Variants in ANO2 observed in about 807,000 individuals in gnomAD.
ANO2 encodes the protein anoctamin-2.
ANO2 carries 101 observed loss-of-function variants against 124.2 expected under a neutral mutation model. The ratio of observed to expected loss-of-function variants is 0.81; its 90% confidence interval spans 0.69 to 0.96. The LOEUF is 0.96. ANO2 is among the 40% of genes least tolerant of loss of function. The probability of loss-of-function intolerance (pLI) is 0.00; values close to 1 mark genes in which losing one functional copy is unlikely to be tolerated. For missense variants in ANO2, 1,293 were observed against 1,274.5 expected (o/e 1.01, Z -0.22); for synonymous variants, 486 against 482.5 (o/e 1.01, Z -0.09).
At chr12:5,693,287 C>T (rs930980189) in intron 14 of ANO2, among the ~76,000 whole-genome samples, 11 of 152,164 alleles carry the variant, frequency 7.2e-5, no homozygotes, top group Admixed American at 5.9e-4. Flanking sequence ...CTTCCCTCAC[C>T]GATATTCTTC....
At chr12:5,640,851 T>C (rs555877306) in intron 15 of ANO2, among the ~76,000 whole-genome samples, 5 of 152,330 alleles carry the variant, frequency 3.3e-5, no homozygotes, top group African/African-American at 1.2e-4. Flanking sequence ...AAATACCATT[T>C]GACCTAGTGA....
chr12:5,841,682 T>C (rs1954519716), intron 4 of ANO2, among the ~76,000 whole-genome samples: 1 of 152,104 alleles, frequency 6.6e-6, no homozygotes, highest in South Asian at 2.1e-4. Context: ...GGGCATGTCC[T>C]TCCCTCTTCT....
intron 14 of ANO2, among the ~76,000 whole-genome samples, chr12:5,654,546 C>T (rs1947066104): frequency 6.6e-6 from 1 of 152,110 alleles, no homozygotes; most frequent in Non-Finnish European, 1.5e-5. Flanking sequence ...AGAGCCTCTC[C>T]TTTGGGGGGC....
At chr12:5,643,815 T>C (rs917599991) in intron 15 of ANO2, among the ~76,000 whole-genome samples, 4 of 152,198 alleles carry the variant, frequency 2.6e-5, no homozygotes, top group Non-Finnish European at 4.4e-5. Flanking sequence ...TATAGGCTCA[T>C]TGGCCATTTG....
At chr12:5,691,694 A>C (rs1327080899) in intron 14 of ANO2, among the ~76,000 whole-genome samples, 1 of 152,074 alleles carries the variant, frequency 6.6e-6, no homozygotes, top group Non-Finnish European at 1.5e-5. Context: ...CCTTGAGCCC[A>C]GGAGTTCAAG....
intron 14 of ANO2, among the ~76,000 whole-genome samples, chr12:5,654,877 T>C (rs1947079926): frequency 6.6e-6 from 1 of 152,206 alleles, no homozygotes; most frequent in African/African-American, 2.4e-5. Flanking sequence ...CAGTGCCTCA[T>C]ATTGAATCAG....
chr12:5,689,375 T>A (rs984254243), intron 14 of ANO2, among the ~76,000 whole-genome samples: 13 of 149,716 alleles, frequency 8.7e-5, no homozygotes, highest in South Asian at 4.2e-4. Flanking sequence ...CAAGGAGAGA[T>A]GAGGTTGTTA....
intron 11 of ANO2, among the ~76,000 whole-genome samples, chr12:5,748,840 C>A (rs1951349681): frequency 6.8e-6 from 1 of 147,880 alleles, no homozygotes; most frequent in Non-Finnish European, 1.5e-5. Context: ...CCTCCCTCCC[C>A]TCTCCCCCTT....
At chr12:5,839,401 C>G (rs1196365915) in intron 4 of ANO2, among the ~76,000 whole-genome samples, 1 of 152,188 alleles carries the variant, frequency 6.6e-6, no homozygotes, top group Non-Finnish European at 1.5e-5. Context: ...TCACAGGGCA[C>G]TGGGTAGTGT....
intron 20 of ANO2, among the ~76,000 whole-genome samples, chr12:5,597,538 G>A (rs1191696404): frequency 1.3e-5 from 2 of 152,132 alleles, no homozygotes; most frequent in Non-Finnish European, 2.9e-5. Context: ...TTATGAACAC[G>A]TCTATATACA....
chr12:5,812,245 A>G (rs1204401530), intron 7 of ANO2, among the ~76,000 whole-genome samples: 1 of 129,536 alleles, frequency 7.7e-6, no homozygotes, highest in Non-Finnish European at 1.6e-5. Flanking sequence ...GGGGAAGGGG[A>G]AGAGAGGGGA....
chr12:5,578,299 A>C (rs1213581835), intron 21 of ANO2, 67 bp downstream of exon 21: 1 of 1,562,212 alleles, frequency 6.4e-7, no homozygotes, highest in Non-Finnish European at 8.7e-7. Flanking sequence ...GTGTGGTGTG[A>C]CTGTGGCCAG....
intron 3 of ANO2, among the ~76,000 whole-genome samples, chr12:5,892,840 C>T (rs1392725361): frequency 6.6e-6 from 1 of 152,088 alleles, no homozygotes; most frequent in African/African-American, 2.4e-5. Context: ...AATAAAGAAC[C>T]AGAAAAATGT....
intron 10 of ANO2, among the ~76,000 whole-genome samples, chr12:5,794,725 A>G (rs1332072048): frequency 1.3e-5 from 2 of 152,244 alleles, no homozygotes; most frequent in Non-Finnish European, 2.9e-5. Flanking sequence ...CTTAAAGGCC[A>G]TAAGCTCTCC....
At chr12:5,829,272 C>T (rs749190440) in intron 6 of ANO2, among the ~76,000 whole-genome samples, 2 of 152,148 alleles carry the variant, frequency 1.3e-5, no homozygotes, top group Admixed American at 6.5e-5. Context: ...CCCCCACAGT[C>T]GTGGGACCCA....
At chr12:5,610,296 TA>T in intron 19 of ANO2, among the ~76,000 whole-genome samples, 1 of 106,234 alleles carries the variant, frequency 9.4e-6, no homozygotes, top group East Asian at 2.6e-4. Flanking sequence ...CATAAATATA[TA>T]AATGCATATA....
chr12:5,578,486 C>A lies in ANO2; in HGVS notation c.2266G>T (p.Ala756Ser), dbSNP rs755998822. 6.7e-5 allele frequency: 108 copies of A among 1,613,630 alleles called. No homozygotes were observed. Among genetic ancestry groups the A allele is most frequent in the Non-Finnish European group, 9.0e-5 (106 of 1,179,786 alleles). Residue 756 changes from alanine (A) to serine (S), a missense_variant, in exon 21 of 25, where the codon GCC becomes TCC. Transcript: ENST00000682330. ...AACACAGGTGCCAGGGGAAAGGAGG[C>A]CACGAAGAGGGTGACAAAACCAAAC... is the stretch of plus-strand genomic sequence containing the variant. ...IQFGFVTLFV[A>S]SFPLAPVFAL...
chr12:5,583,861 T>C (rs1051822957), intron 20 of ANO2: 6 of 192,872 alleles, frequency 3.1e-5, no homozygotes, highest in Non-Finnish European at 5.6e-5. Context: ...AATATCATCA[T>C]GGTGAACAAA....
chr12:5,684,755 C>T (rs1181485635), intron 14 of ANO2, among the ~76,000 whole-genome samples: 2 of 152,176 alleles, frequency 1.3e-5, no homozygotes, highest in Non-Finnish European at 2.9e-5. Context: ...ATTCTGATCA[C>T]GACTCCCTTG....
Sources: gnomAD v4.1 joint callset for allele counts (sites outside exome capture counted in the v4.1 genomes callset) on GRCh38, gnomAD v4.1.1 for gene constraint, MANE v1.5 for transcripts, NCBI Gene and HGNC (gene_info 2026-07-23, HGNC 2026-07-21) for gene names.